SETD2: variants seen among roughly 807,000 people sequenced by gnomAD.
SETD2 encodes SET domain containing 2, histone lysine methyltransferase.
Under a neutral mutation model 242.1 loss-of-function variants are expected in SETD2, and 31 were observed. That is an observed-to-expected ratio of 0.13 (90% confidence interval 0.10 to 0.17). The LOEUF (loss-of-function observed/expected upper bound fraction) is 0.17, where lower values mean the gene tolerates loss of function less well. Ranked by LOEUF, SETD2 falls within the 10% of genes least tolerant of loss-of-function variation. The pLI is 1.00. For synonymous variants in SETD2, 1,006 were observed against 1,066.5 expected (o/e 0.94, Z 1.11); for missense variants, 2,481 against 3,046.3 (o/e 0.81, Z 4.37).
At chr3:47,087,737 C>T (rs531508340) in intron 10 of SETD2, among the ~76,000 whole-genome samples, 25 of 152,258 alleles carry the variant, frequency 1.6e-4, no homozygotes, top group African/African-American at 3.9e-4. Flanking sequence ...GAGGCTGAGA[C>T]GGGTGGATCA....
Position 47,122,081 on chromosome 3 carries a change from T to A in SETD2, c.2555A>T (p.Tyr852Phe), listed in dbSNP as rs373313188. ...ACTAGTGCTACCGATGCTCTGCTTA[T>A]ATTCTTCACATGCAAATTTTGAGTG... ...TDHSKFACEE[Y>F]KQSIGSTSSA... is the part of the protein sequence containing the mutation. The change falls in exon 3 of 21, where the codon TAT becomes TTT. Residue 852 changes from tyrosine to phenylalanine, a missense_variant. Physicochemically the swap from Tyr to Phe is conservative, Grantham distance 22. Around this residue, in one of 17 missense-constraint regions of SETD2, gnomAD observed 1,300 missense variants for 1,259.2 expected, o/e 1.03. Coordinates refer to ENST00000409792, the MANE Select transcript of SETD2 (RefSeq NM_014159.7). The A allele has an allele frequency of 1.2e-5, 20 of 1,613,878 alleles. No individual in the cohort carries two copies. Among genetic ancestry groups the A allele is most frequent in the Non-Finnish European group, 1.6e-5 (19 of 1,180,010 alleles).
chr3:47,153,979 G>A (rs1218175097), intron 1 of SETD2, among the ~76,000 whole-genome samples: 1 of 152,120 alleles, frequency 6.6e-6, no homozygotes, highest in Admixed American at 6.6e-5. Flanking sequence ...CATTTGGAAA[G>A]AGACACCTTC....
chr3:47,084,207 G>A lies in SETD2; in HGVS notation c.5573C>T (p.Pro1858Leu), dbSNP rs750379129. The change falls in exon 12 of 21, where the codon CCT becomes CTT. Residue 1858 changes from proline to leucine, a missense_variant. This residue lies in a region of SETD2 where 203 missense variants were observed against 222.4 expected (regional missense o/e 0.91). Transcript: ENST00000409792. ...TSRAHTPLNT[P>L]DPSTKLSTEA... Reference sequence around the variant, plus strand: ...TGTGCTCAGCTTGGTGGAAGGATCAGGTGTGTTGAGTGGTGTATGAGCACG... The same window carrying A: ...TGTGCTCAGCTTGGTGGAAGGATCAAGTGTGTTGAGTGGTGTATGAGCACG... 5.0e-6 allele frequency: 8 copies of A among 1,613,948 alleles called. 1 individual carries two copies. In the South Asian group the frequency reaches 5.5e-5, roughly 11 times the overall value.
At chr3:47,139,174 C>T (rs1043460982) in intron 1 of SETD2, among the ~76,000 whole-genome samples, 1 of 152,012 alleles carries the variant, frequency 6.6e-6, no homozygotes, top group Non-Finnish European at 1.5e-5. Context: ...TTGTATTGCT[C>T]GTTTCATCAC....
At chr3:47,072,105 G>A (rs1422417759) in intron 12 of SETD2, among the ~76,000 whole-genome samples, 3 of 151,476 alleles carry the variant, frequency 2.0e-5, no homozygotes, top group Non-Finnish European at 4.4e-5. Context: ...TCAGAAGATC[G>A]AGACCATCCT....
intron 7 of SETD2, among the ~76,000 whole-genome samples, chr3:47,102,628 T>C (rs1016599411): frequency 6.6e-6 from 1 of 151,942 alleles, no homozygotes; most frequent in East Asian, 1.9e-4. Context: ...CCGTCTCTAC[T>C]AAAAATACTA....
At chr3:47,131,276 G>A (rs1003945808) in intron 1 of SETD2, among the ~76,000 whole-genome samples, 1 of 152,230 alleles carries the variant, frequency 6.6e-6, no homozygotes. Flanking sequence ...AATTCTGAAA[G>A]TCAGAACTGT....
chr3:47,022,174 G>T (rs2038251260), intron 18 of SETD2, among the ~76,000 whole-genome samples: 1 of 147,468 alleles, frequency 6.8e-6, no homozygotes, highest in Non-Finnish European at 1.5e-5. Context: ...TCCAGCCTGG[G>T]AGACAGAGCA....
rs774234824 is a variant in SETD2 at position 47,114,082 on chromosome 3, A to G, written c.4587-78T>C. 70 of 1,379,754 alleles carry G rather than the reference A, an allele frequency of 5.1e-5. No individual in the cohort carries two copies. The Middle Eastern group carries it at 7.3e-4, about 14-fold the overall frequency. 85.5% of individuals were successfully genotyped at this position (1,379,754 alleles called of 1,614,324 possible). On this transcript the variant is annotated intron_variant, in intron 4 of 20. Transcript: ENST00000409792. Reference sequence around the variant, plus strand: ...AGTAACTTTGAAAAAATGTGTTAGTATAACTACATATATACATACTTTTAT... The same window carrying G: ...AGTAACTTTGAAAAAATGTGTTAGTGTAACTACATATATACATACTTTTAT...
intron 15 of SETD2, among the ~76,000 whole-genome samples, chr3:47,049,640 G>A (rs1469909411): frequency 6.8e-6 from 1 of 147,656 alleles, no homozygotes; most frequent in Non-Finnish European, 1.5e-5. Flanking sequence ...CCAAAGTGCT[G>A]GGATTACAGG....
Position 47,046,603 on chromosome 3 carries a change from G to C in SETD2, c.6982C>G (p.Leu2328Val), listed in dbSNP as rs1232434419. The change falls in exon 16 of 21, where the codon CTT (leucine) becomes GTT (valine). Residue 2328 changes from leucine (L) to valine (V), a missense_variant. Physicochemically the swap from Leu to Val is conservative, Grantham distance 32 (BLOSUM62 1). Transcript: ENST00000409792. ...ATCTGTTGCCCCTGGATATACTGAA[G>C]ACTTGGCTGGGCATAACTCTAAAAG... Reference protein sequence around the residue: ...PIVQSYAQPSLQYIQGQQIFT... With the variant: ...PIVQSYAQPSVQYIQGQQIFT... 21 of 1,611,458 alleles carry C rather than the reference G, an allele frequency of 1.3e-5. No homozygotes were observed. The highest frequency in any genetic ancestry group is 1.8e-5 in the Non-Finnish European group (21 of 1,178,700).
chr3:47,018,116 G>C (rs557946405), intron 19 of SETD2, among the ~76,000 whole-genome samples: 1 of 152,300 alleles, frequency 6.6e-6, no homozygotes, highest in East Asian at 1.9e-4. Context: ...GAGCACAGCA[G>C]GTGTTCCAGA....
intron 13 of SETD2, among the ~76,000 whole-genome samples, chr3:47,063,938 G>A (rs1034234159): frequency 7.2e-5 from 11 of 151,894 alleles, no homozygotes; most frequent in East Asian, 1.9e-4. Context: ...AGCCGAGATC[G>A]CGCCACTGCA....
intron 4 of SETD2, among the ~76,000 whole-genome samples, chr3:47,116,298 T>C (rs2042851011): frequency 6.6e-6 from 1 of 152,146 alleles, no homozygotes. Flanking sequence ...CACTTTATAG[T>C]GAAAGCTAAA....
chr3:47,074,190 TA>T (rs2040950978), intron 12 of SETD2, among the ~76,000 whole-genome samples: 1 of 152,168 alleles, frequency 6.6e-6, no homozygotes, highest in African/African-American at 2.4e-5. Context: ...CACATTCTAT[TA>T]AAAAGGAGCT....
At chr3:47,155,277 T>C (rs990526621) in intron 1 of SETD2, among the ~76,000 whole-genome samples, 3 of 152,198 alleles carry the variant, frequency 2.0e-5, no homozygotes, top group Admixed American at 1.3e-4. Context: ...ATATTGATTA[T>C]CTAAGACAAT....
chr3:47,056,559 G>T (rs918413113), intron 15 of SETD2, among the ~76,000 whole-genome samples: 8 of 152,150 alleles, frequency 5.3e-5, no homozygotes, highest in African/African-American at 1.7e-4. Flanking sequence ...GCCTTCAGAT[G>T]ACTGCAGCCA....
At chr3:47,102,597 C>G (rs890025930) in intron 7 of SETD2, among the ~76,000 whole-genome samples, 1 of 152,186 alleles carries the variant, frequency 6.6e-6, no homozygotes, top group South Asian at 2.1e-4. Context: ...TCGAGACCAG[C>G]CTGGCCAACA....
At chr3:47,157,803 G>T (rs544360829) in intron 1 of SETD2, among the ~76,000 whole-genome samples, 2 of 151,580 alleles carry the variant, frequency 1.3e-5, no homozygotes, top group African/African-American at 2.4e-5. Context: ...AACCCAGGGG[G>T]CAGAGGTTGT....
Sources: allele counts gnomAD v4.1 joint callset (sites outside exome capture counted in the v4.1 genomes callset), GRCh38; gene constraint gnomAD v4.1.1; regional missense constraint gnomAD v4.1.1; transcripts MANE v1.5; gene names NCBI Gene and HGNC (gene_info 2026-07-23, HGNC 2026-07-21).